ZNF136: variants seen among roughly 807,000 people sequenced by gnomAD.
The protein encoded by ZNF136 is zinc finger protein 136 (clone pHZ-20).
Under a neutral mutation model 11.4 loss-of-function variants are expected in ZNF136, and 8 were observed. The observed-to-expected ratio is 0.70, with a 90% CI of 0.41 to 1.27. The LOEUF is 1.27. ZNF136 is among the 50% of genes most tolerant of loss of function. The probability of loss-of-function intolerance (pLI) is 0.01; values close to 1 mark genes in which losing one functional copy is unlikely to be tolerated. For missense variants in ZNF136, 590 were observed against 656.5 expected, an observed-to-expected ratio of 0.90 and a Z score of 1.11; for synonymous variants, 190 against 207.1, an observed-to-expected ratio of 0.92 and a Z score of 0.71.
At chr19:12,180,689 A>C (rs1481600950) in intron 1 of ZNF136, among the ~76,000 whole-genome samples, 1 of 152,206 alleles carries the variant, frequency 6.6e-6, no homozygotes, top group Non-Finnish European at 1.5e-5. Context: ...GTGTGGATGT[A>C]GATAGTGCAT....
intron 1 of ZNF136, among the ~76,000 whole-genome samples, chr19:12,174,512 TG>T (rs1914739638): frequency 6.6e-6 from 1 of 152,248 alleles, no homozygotes. Context: ...CATACTCTCC[TG>T]ATTACTACAG....
Position 12,163,102 on chromosome 19 carries a change from C to G in ZNF136, c.-102C>G, listed in dbSNP as rs1464974994. The G allele has an allele frequency of 8.5e-6, 11 of 1,299,176 alleles. No individual in the cohort carries two copies. In the African/African-American group the frequency reaches 1.5e-4, roughly 18 times the overall value. 80.5% of individuals were successfully genotyped at this position (1,299,176 alleles called of 1,614,324 possible). On this transcript the variant is annotated 5_prime_UTR_variant, in exon 1 of 4. Coordinates refer to ENST00000343979, the MANE Select transcript of ZNF136 (RefSeq NM_003437.5). ...CCGTACTTGGTTTCGCTTCGCTAGT[C>G]CCAGAGGCCCAGAGTGGCTCGCCTG...
chr19:12,186,727 C>T lies in ZNF136; in HGVS notation c.349C>T (p.Leu117Phe), dbSNP rs1383240557. Residue 117 changes from leucine (L) to phenylalanine (F), a missense_variant, in exon 4 of 4, where the codon CTT becomes TTT. Coordinates refer to ENST00000343979, the MANE Select transcript of ZNF136 (RefSeq NM_003437.5). ...YGEVSMGQSS[L>F]NRHIKDHSGH... ...AGAAGTCAGCATGGGTCAGTCATCC[C>T]TTAATAGACACATCAAAGATCACAG... 1.9e-6 allele frequency: 3 copies of T among 1,613,958 alleles called. No homozygotes were observed. The highest frequency in any genetic ancestry group is 2.5e-6 in the Non-Finnish European group (3 of 1,180,010).
chr19:12,178,226 C>A (rs1197002236), intron 1 of ZNF136, among the ~76,000 whole-genome samples: 2 of 152,202 alleles, frequency 1.3e-5, no homozygotes, highest in African/African-American at 2.4e-5. Flanking sequence ...CAAGTATTTT[C>A]TCCCACTCCG....
chr19:12,167,559 C>CA (rs925368203), intron 1 of ZNF136, among the ~76,000 whole-genome samples: 1 of 151,716 alleles, frequency 6.6e-6, no homozygotes, highest in Non-Finnish European at 1.5e-5. Context: ...GACTTTGTCT[C>CA]AAAAAAAAGA....
chr19:12,170,850 T>C (rs1319715136), intron 1 of ZNF136, among the ~76,000 whole-genome samples: 1 of 151,074 alleles, frequency 6.6e-6, no homozygotes, highest in Non-Finnish European at 1.5e-5. Context: ...TTTTTTTTTT[T>C]TTGAGACGGA....
At chr19:12,181,406 C>T (rs575102945) in intron 1 of ZNF136, among the ~76,000 whole-genome samples, 1 of 152,126 alleles carries the variant, frequency 6.6e-6, no homozygotes, top group African/African-American at 2.4e-5. Flanking sequence ...CCAACACCAG[C>T]TTCTGTTCTC....
chr19:12,173,937 C>G (rs937822697), intron 1 of ZNF136, among the ~76,000 whole-genome samples: 23 of 152,036 alleles, frequency 1.5e-4, no homozygotes, highest in African/African-American at 5.5e-4. Context: ...CAGAGTTTCA[C>G]TGTTGTTGCC....
chr19:12,183,249 A>G (rs759025791), intron 1 of ZNF136, among the ~76,000 whole-genome samples: 36 of 151,536 alleles, frequency 2.4e-4, no homozygotes, highest in Non-Finnish European at 2.1e-4. Context: ...GGTTCAAGCA[A>G]TCCTCCCACC....
chr19:12,186,896 G>A lies in ZNF136; in HGVS notation c.518G>A (p.Cys173Tyr), dbSNP rs779096409. The change falls in exon 4 of 4, where the codon TGT becomes TAT. Residue 173 changes from cysteine to tyrosine, a missense_variant. Cys to Tyr is a radical substitution (Grantham distance 194). Transcript: ENST00000343979. The stretch of plus-strand genomic sequence containing the variant: ...GAGAAACTCTATGATTGTAAGGAAT[G>A]TGGAAAAACCTTCTTTTCTCTCAAA... ...TGEKLYDCKE[C>Y]GKTFFSLKRI... The A allele has an allele frequency of 3.1e-6, 5 of 1,613,950 alleles. No individual in the cohort carries two copies. In the Admixed American group the frequency reaches 8.3e-5, roughly 27 times the overall value.
intron 1 of ZNF136, among the ~76,000 whole-genome samples, chr19:12,184,414 A>T (rs1915031033): frequency 6.6e-6 from 1 of 152,028 alleles, no homozygotes; most frequent in East Asian, 1.9e-4. Context: ...ACAAAAAATT[A>T]GTCAGGCGTG....
chr19:12,183,743 C>T (rs1285946343), intron 1 of ZNF136, among the ~76,000 whole-genome samples: 2 of 152,126 alleles, frequency 1.3e-5, no homozygotes, highest in African/African-American at 4.8e-5. Context: ...GGACTACAGG[C>T]GTGCACCACC....
rs780528934 is a variant in ZNF136, at chr19:12,187,652, G to A, written c.1274G>A (p.Cys425Tyr). Residue 425 changes from cysteine to tyrosine, a missense_variant, in exon 4 of 4, where the codon TGT becomes TAT. Physicochemically the swap from Cys to Tyr is radical, Grantham distance 194. Coordinates refer to ENST00000343979, the MANE Select transcript of ZNF136 (RefSeq NM_003437.5). ...TGEKPYVCKH[C>Y]GKAFVSSTSI... is the part of the protein sequence containing the mutation. ...GAGAAACCTTATGTATGTAAACATT[G>A]TGGTAAAGCTTTCGTTTCTTCAACA... 4 of 1,614,136 alleles carry A rather than the reference G, an allele frequency of 2.5e-6. No individual in the cohort carries two copies. In the South Asian group the frequency reaches 3.3e-5, roughly 13 times the overall value.
Position 12,168,769 on chromosome 19 carries a change from G to A in ZNF136, c.3+5563G>A, listed in dbSNP as rs1599451978. Among the ~76,000 whole-genome samples the A allele has an allele frequency of 2.0e-5, 3 of 151,930 alleles. No individual in the cohort carries two copies. In the East Asian group the frequency reaches 5.8e-4, roughly 29 times the overall value. Reference sequence around the variant, plus strand: ...CGGCTTCCTGCAACCTCCACCTCCCGGGTTCAAGCGATTCTCCTGCCTCAG... The same window carrying A: ...CGGCTTCCTGCAACCTCCACCTCCCAGGTTCAAGCGATTCTCCTGCCTCAG... On this transcript the variant is annotated intron_variant, in intron 1 of 3. Transcript: ENST00000343979.
At chr19:12,168,006 A>G (rs916943743) in intron 1 of ZNF136, among the ~76,000 whole-genome samples, 2 of 151,560 alleles carry the variant, frequency 1.3e-5, no homozygotes, top group African/African-American at 4.8e-5. Context: ...TTTTTTAAAA[A>G]ATAAAGCCAG....
Position 12,186,851 on chromosome 19 carries a change from A to T in ZNF136, c.473A>T (p.His158Leu). The stretch of plus-strand genomic sequence containing the variant: ...AGTTCTCACCACTCCTTTCGAACAC[A>T]TGAGATAATTCACACTGGAGAGAAA... Reference protein sequence around the residue: ...PFSSHHSFRTHEIIHTGEKLY... With the variant: ...PFSSHHSFRTLEIIHTGEKLY... Residue 158 changes from histidine to leucine, a missense_variant, in exon 4 of 4, where the codon CAT becomes CTT. Physicochemically the swap from His to Leu is moderately conservative, Grantham distance 99. Transcript: ENST00000343979. 2.5e-6 allele frequency: 4 copies of T among 1,614,158 alleles called. No individual in the cohort carries two copies. In the African/African-American group the frequency reaches 4.0e-5, roughly 16 times the overall value.
In ZNF136 at chr19:12,171,670, A is replaced by G. The variant is rs899830899; in HGVS notation, c.3+8464A>G. ...GATTTATCTTTTCACTCCATTCTACATTTTGATGGACTCTTAAATTTTTTT... is the reference window on the plus strand; with the variant it reads ...GATTTATCTTTTCACTCCATTCTACGTTTTGATGGACTCTTAAATTTTTTT... On this transcript the variant is annotated intron_variant, in intron 1 of 3. Transcript: ENST00000343979. Among the ~76,000 whole-genome samples the G allele has an allele frequency of 1.1e-4, 15 of 132,796 alleles. No homozygotes were observed. The South Asian group carries it at 3.2e-3, about 29-fold the overall frequency. The allele number at this position is 132,796 out of a possible 152,430, so 87.1% of individuals were successfully genotyped here.
Position 12,187,984 on chromosome 19 carries a change from A to G in ZNF136, c.1606A>G (p.Met536Val), listed in dbSNP as rs1019446394. The change falls in exon 4 of 4, where the codon ATG (methionine) becomes GTG (valine). Residue 536 changes from methionine to valine, a missense_variant. Met to Val is a conservative substitution (Grantham distance 21). Coordinates refer to ENST00000343979, the MANE Select transcript of ZNF136 (RefSeq NM_003437.5). Reference sequence around the variant, plus strand: ...TGAAGATGGACCACCTTATAAATGCATGTGGGAAAGCCTTTAATGCTCTGG... The same window carrying G: ...TGAAGATGGACCACCTTATAAATGCGTGTGGGAAAGCCTTTAATGCTCTGG... ...HAEDGPPYKC[M>V]WESL 3 of 1,526,816 alleles carry G rather than the reference A, an allele frequency of 2.0e-6. No homozygotes were observed. The highest frequency in any genetic ancestry group is 2.3e-5 in the Admixed American group (1 of 44,288). The allele number at this position is 1,526,816 out of a possible 1,614,324, so 94.6% of individuals were successfully genotyped here.
chr19:12,163,169 G>C lies in ZNF136; in HGVS notation c.-35G>C. ...GTTTCCTGTACCTGCCTTGGGATCC[G>C]GAGGGAGGAAGCTGGGACACCCGGG... On this transcript the variant is annotated 5_prime_UTR_variant, in exon 1 of 4. Coordinates refer to ENST00000343979, the MANE Select transcript of ZNF136 (RefSeq NM_003437.5). The C allele has an allele frequency of 7.1e-7, 1 of 1,401,880 alleles. No homozygotes were observed. The allele number at this position is 1,401,880 out of a possible 1,614,324, so 86.8% of individuals were successfully genotyped here.
Sources: allele counts gnomAD v4.1 joint callset (sites outside exome capture counted in the v4.1 genomes callset), GRCh38; gene constraint gnomAD v4.1.1; transcripts MANE v1.5; gene names NCBI Gene and HGNC (gene_info 2026-07-23, HGNC 2026-07-21).